SLC2A9: variants seen among roughly 807,000 people sequenced by gnomAD.
SLC2A9 encodes the protein solute carrier family 2, facilitated glucose transporter member 9.
SLC2A9 carries 39 observed loss-of-function variants against 50.6 expected under a neutral mutation model. That is an observed-to-expected ratio of 0.77 (90% CI 0.60 to 1.01). The LOEUF is 1.01. Ranked by LOEUF, SLC2A9 falls within the 50% of genes least tolerant of loss-of-function variation. The probability of loss-of-function intolerance (pLI) is 0.00; values close to 1 mark genes in which losing one functional copy is unlikely to be tolerated. For synonymous variants in SLC2A9, 324 were observed against 276.9 expected (o/e 1.17, Z -1.69); for missense variants, 686 against 677.6 (o/e 1.01, Z -0.14).
At chr4:9,944,668 G>A (rs1043671688) in intron 5 of SLC2A9, among the ~76,000 whole-genome samples, 1 of 152,194 alleles carries the variant, frequency 6.6e-6, no homozygotes, top group African/African-American at 2.4e-5. Flanking sequence ...GTGAGGGTCG[G>A]GAGTGTCCAG....
At chr4:9,969,866 G>A (rs1405857091) in intron 5 of SLC2A9, among the ~76,000 whole-genome samples, 3 of 152,206 alleles carry the variant, frequency 2.0e-5, no homozygotes, top group African/African-American at 7.2e-5. Context: ...GGAATTATGG[G>A]AGCTACAATT....
At chr4:9,959,926 T>A (rs2108918471) in intron 5 of SLC2A9, among the ~76,000 whole-genome samples, 1 of 152,278 alleles carries the variant, frequency 6.6e-6, no homozygotes, top group Admixed American at 6.5e-5. Flanking sequence ...GACTGCTAGA[T>A]GAATTTGGTG....
intron 3 of SLC2A9, among the ~76,000 whole-genome samples, chr4:9,781,307 C>T (rs780918573): frequency 3.3e-5 from 5 of 152,210 alleles, no homozygotes; most frequent in Non-Finnish European, 7.3e-5. Flanking sequence ...AAGGCTGCCC[C>T]GCTTACCCTT....
intron 1 of SLC2A9, among the ~76,000 whole-genome samples, chr4:10,039,909 G>T (rs1314619997): frequency 2.0e-5 from 3 of 152,234 alleles, no homozygotes; most frequent in South Asian, 2.1e-4. Flanking sequence ...GCAAGCATCT[G>T]CAATGAGCGC....
chr4:9,929,072 A>G (rs983801715), intron 6 of SLC2A9, among the ~76,000 whole-genome samples: 4 of 152,184 alleles, frequency 2.6e-5, no homozygotes, highest in African/African-American at 9.7e-5. Flanking sequence ...ACATCGTTTA[A>G]TGAGGTTCAT....
intron 3 of SLC2A9, among the ~76,000 whole-genome samples, chr4:9,789,725 C>T (rs1359620411): frequency 6.6e-6 from 1 of 152,236 alleles, no homozygotes; most frequent in Non-Finnish European, 1.5e-5. Flanking sequence ...CAGACTTTTG[C>T]TTTGACACTG....
chr4:9,907,309 T>G (rs889721870), intron 8 of SLC2A9, among the ~76,000 whole-genome samples: 2 of 152,208 alleles, frequency 1.3e-5, no homozygotes, highest in Middle Eastern at 3.2e-3. Context: ...CACTGCTCAG[T>G]GCTACACAGC....
chr4:9,883,530 T>A (rs949278847), intron 10 of SLC2A9, among the ~76,000 whole-genome samples: 2 of 152,218 alleles, frequency 1.3e-5, no homozygotes, highest in African/African-American at 4.8e-5. Flanking sequence ...GGGTGATGTA[T>A]ATAAGGCAGC....
chr4:10,030,551 G>GCATTGAT (rs1419983209), intron 1 of SLC2A9, among the ~76,000 whole-genome samples: 1 of 152,094 alleles, frequency 6.6e-6, no homozygotes. Flanking sequence ...CTCAGGGTGG[G>GCATTGAT]GGTGATAGGC....
upstream of SLC2A9, among the ~76,000 whole-genome samples, chr4:10,023,121 A>C (rs115945847): frequency 7.4e-4 from 112 of 152,352 alleles, no homozygotes; most frequent in Non-Finnish European, 1.4e-3. Context: ...CATCAATCTC[A>C]GCTGGATCTT....
chr4:9,963,015 G>C (rs575683526), intron 5 of SLC2A9, among the ~76,000 whole-genome samples: 1 of 152,078 alleles, frequency 6.6e-6, no homozygotes, highest in African/African-American at 2.4e-5. Context: ...AAAGCTTTCC[G>C]TGGCCCTCTC....
At chr4:9,775,193 C>G (rs145873314), downstream of SLC2A9, among the ~76,000 whole-genome samples, 1,513 of 152,320 alleles carry the variant, frequency 9.9e-3, 25 homozygotes, top group African/African-American at 0.034. Context: ...CAGTTGTGCT[C>G]TAGACCAGAA....
chr4:9,882,639 G>T (rs1735430781), intron 10 of SLC2A9, among the ~76,000 whole-genome samples: 1 of 151,410 alleles, frequency 6.6e-6, no homozygotes, highest in African/African-American at 2.4e-5. Flanking sequence ...AACCCGGGAG[G>T]CGGAGCTTGC....
At chr4:9,803,621 G>A (rs1232052168) in intron 3 of SLC2A9, among the ~76,000 whole-genome samples, 1 of 152,188 alleles carries the variant, frequency 6.6e-6, no homozygotes, top group Non-Finnish European at 1.5e-5. Context: ...CAGCTATGGA[G>A]ACATGCTCTA....
chr4:9,854,395 A>G (rs1730425191), intron 10 of SLC2A9, among the ~76,000 whole-genome samples: 1 of 152,216 alleles, frequency 6.6e-6, no homozygotes, highest in African/African-American at 2.4e-5. Context: ...ACAACCTCCC[A>G]AGATTGAACA....
intron 1 of SLC2A9, among the ~76,000 whole-genome samples, chr4:10,037,904 C>A (rs12506932): frequency 0.43 from 65,047 of 151,900 alleles, 15,519 homozygotes; most frequent in South Asian, 0.59. Context: ...TGAGCTGAGA[C>A]GGCACCACTG....
rs372675812 is a variant in SLC2A9, at chr4:9,810,928, T to C, written n.421-11687A>G. Among the ~76,000 whole-genome samples, 11 of 152,358 alleles carry C rather than the reference T, an allele frequency of 7.2e-5. No individual in the cohort carries two copies. The South Asian group carries it at 8.3e-4, about 11-fold the overall frequency. ...CCCCTTATGATGAACAGAGCCTGTT[T>C]TGAACCACACTAGCGATAGTTGTGT... On this transcript the variant is annotated intron_variant and non_coding_transcript_variant, in intron 3 of 3. Transcript: ENST00000503280.
chr4:9,939,594 G>T (rs1226506316), intron 6 of SLC2A9, among the ~76,000 whole-genome samples: 5 of 146,582 alleles, frequency 3.4e-5, no homozygotes, highest in East Asian at 3.9e-4. Context: ...CCCATCCTTG[G>T]TTTTTTTTTT....
At chr4:9,772,814 TTTTTTTTTTTA>T (rs1021495968) in intron 1 of SLC2A9, among the ~76,000 whole-genome samples, 15 of 78,048 alleles carry the variant, frequency 1.9e-4, no homozygotes, top group Non-Finnish European at 2.7e-4. Flanking sequence ...TGCCATTTTA[TTTTTTTTTTTA>T]TTTTTTTTTT....
Sources: allele counts gnomAD v4.1 joint callset (sites outside exome capture counted in the v4.1 genomes callset), GRCh38; gene constraint gnomAD v4.1.1; transcripts MANE v1.5; gene names NCBI Gene and HGNC (gene_info 2026-07-23, HGNC 2026-07-21).